GPHN: variants seen among roughly 807,000 people sequenced by gnomAD.
GPHN encodes gephyrin.
Under a neutral mutation model 95.5 loss-of-function variants are expected in GPHN, and 17 were observed. The ratio of observed to expected loss-of-function variants is 0.18; its 90% confidence interval spans 0.12 to 0.27. The LOEUF (loss-of-function observed/expected upper bound fraction) is 0.27, where lower values mean the gene tolerates loss of function less well. GPHN is among the 10% of genes least tolerant of loss of function. GPHN has a pLI of 1.00. For missense variants in GPHN, 660 were observed against 978.1 expected, an observed-to-expected ratio of 0.67 and a Z score of 4.34; for synonymous variants, 320 against 322.5, an observed-to-expected ratio of 0.99 and a Z score of 0.08.
chr14:67,384,383 A>ATGTT, the GPHN span: 2 of 149,044 alleles, frequency 1.3e-5, no homozygotes, highest in African/African-American at 5.0e-5. Context: ...TTTTTTTTAC[A>ATGTT]TGTTTCCATC....
chr14:66,662,640 G>A (rs1290136172), intron 1 of GPHN, among the ~76,000 whole-genome samples: 3 of 152,190 alleles, frequency 2.0e-5, no homozygotes, highest in African/African-American at 7.2e-5. Context: ...CGAAATGACA[G>A]AAGTAGACTT....
At chr14:67,630,697 G>A in the GPHN span, among the ~76,000 whole-genome samples, 1 of 152,148 alleles carries the variant, frequency 6.6e-6, no homozygotes, top group Non-Finnish European at 1.5e-5. Context: ...CTCTGCCTCA[G>A]CCTCCATAGT....
the GPHN span, among the ~76,000 whole-genome samples, chr14:67,537,538 G>A: frequency 6.7e-6 from 1 of 148,454 alleles, no homozygotes; most frequent in African/African-American, 2.6e-5. Flanking sequence ...AGTGGTGCAC[G>A]CCTGTAGTCC....
chr14:67,460,558 G>A, the GPHN span, among the ~76,000 whole-genome samples: 4 of 152,134 alleles, frequency 2.6e-5, no homozygotes, highest in Admixed American at 2.6e-4. Context: ...ACAAAAATTA[G>A]CCGGGCATGA....
At chr14:67,622,754 C>G in the GPHN span, among the ~76,000 whole-genome samples, 2 of 152,218 alleles carry the variant, frequency 1.3e-5, no homozygotes, top group Non-Finnish European at 2.9e-5. Context: ...CATCTGAACT[C>G]GGCCAAGCAT....
chr14:67,285,396 TC>T, the GPHN span, among the ~76,000 whole-genome samples: 1 of 146,092 alleles, frequency 6.8e-6, no homozygotes, highest in Non-Finnish European at 1.5e-5. Flanking sequence ...AGACGGAGTC[TC>T]GCTCTGTCGC....
At chr14:66,915,899 C>G (rs184886061) in intron 5 of GPHN, 104 bp from the exon 6 acceptor site, 12 of 758,096 alleles carry the variant, frequency 1.6e-5, no homozygotes, top group Non-Finnish European at 2.7e-5. Flanking sequence ...ATTCCTAAAA[C>G]AGTTGTTCAC....
Position 66,589,368 on chromosome 14 carries a change from A to G in GPHN, c.64+80777A>G, listed in dbSNP as rs375626704. On this transcript the variant is annotated intron_variant, in intron 1 of 22. Coordinates refer to ENST00000478722, the MANE Select transcript of GPHN (RefSeq NM_020806.5). ...AGCTAGCATCATAATGACAGGATCA[A>G]ATTCACACATAATATTTATATAACC... Among the ~76,000 whole-genome samples, 13 of 152,306 alleles carry G rather than the reference A, an allele frequency of 8.5e-5. 3 individuals are homozygous for G. The highest frequency in any genetic ancestry group is 1.3e-4 in the Admixed American group (2 of 15,302).
At chr14:67,651,496 A>G in the GPHN span, 1 of 1,612,996 alleles carries the variant, frequency 6.2e-7, no homozygotes, top group Admixed American at 1.7e-5. Context: ...AAAGAGAAGC[A>G]AAGTGGGGAG....
chr14:67,316,808 CT>C, the GPHN span: 11 of 1,588,466 alleles, frequency 6.9e-6, no homozygotes, highest in Non-Finnish European at 9.4e-6. Context: ...ATATTTTACC[CT>C]TCTTTTTCTT....
the GPHN span, among the ~76,000 whole-genome samples, chr14:67,359,246 G>C: frequency 6.6e-6 from 1 of 152,190 alleles, no homozygotes; most frequent in Non-Finnish European, 1.5e-5. Flanking sequence ...CCTTCTCAGA[G>C]CATTTATTAA....
chr14:66,603,005 T>G (rs1021355410), intron 1 of GPHN, among the ~76,000 whole-genome samples: 9 of 151,864 alleles, frequency 5.9e-5, no homozygotes, highest in African/African-American at 1.9e-4. Context: ...ATTTTGGTTC[T>G]CTCCGTTAAA....
At chr14:67,538,167 T>C in the GPHN span, among the ~76,000 whole-genome samples, 36 of 152,338 alleles carry the variant, frequency 2.4e-4, no homozygotes, top group East Asian at 3.1e-3. Context: ...CCCTCTCTCA[T>C]TTCCCCATTT....
the GPHN span, among the ~76,000 whole-genome samples, chr14:67,523,598 C>T: frequency 2.6e-5 from 4 of 152,174 alleles, no homozygotes; most frequent in African/African-American, 4.8e-5. Flanking sequence ...GGAAGATGTG[C>T]GATTATTTGT....
chr14:67,448,632 G>GT, the GPHN span, among the ~76,000 whole-genome samples: 1 of 152,114 alleles, frequency 6.6e-6, no homozygotes, highest in South Asian at 2.1e-4. Context: ...TGGAGGGATG[G>GT]TGGGGGGCTG....
intron 1 of GPHN, among the ~76,000 whole-genome samples, chr14:66,658,640 A>G (rs1054828709): frequency 1.4e-4 from 22 of 152,154 alleles, no homozygotes; most frequent in Admixed American, 1.4e-3. Flanking sequence ...ATTTTTTGCA[A>G]TAAGATCTTT....
the GPHN span, among the ~76,000 whole-genome samples, chr14:67,280,762 T>C: frequency 6.6e-6 from 1 of 150,620 alleles, no homozygotes; most frequent in Non-Finnish European, 1.5e-5. Context: ...TTGTTCCTCA[T>C]TAAGTCTCTT....
At chr14:66,886,191 T>C (rs987878690) in intron 5 of GPHN, among the ~76,000 whole-genome samples, 5 of 152,202 alleles carry the variant, frequency 3.3e-5, no homozygotes, top group African/African-American at 9.6e-5. Flanking sequence ...ATCAGTTTAA[T>C]ATCATCTTTT....
intron 3 of GPHN, among the ~76,000 whole-genome samples, chr14:66,801,364 A>G (rs900644771): frequency 6.6e-6 from 1 of 152,122 alleles, no homozygotes; most frequent in African/African-American, 2.4e-5. Flanking sequence ...AAATATTATG[A>G]AAGGACCTGA....
Sources: allele counts gnomAD v4.1 joint callset (sites outside exome capture counted in the v4.1 genomes callset), GRCh38; gene constraint gnomAD v4.1.1; transcripts MANE v1.5; gene names NCBI Gene and HGNC (gene_info 2026-07-23, HGNC 2026-07-21).